Variants in DLGAP2 observed in about 807,000 individuals in gnomAD.
The protein encoded by DLGAP2 is disks large-associated protein 2.
DLGAP2 carries 26 observed loss-of-function variants against 100.3 expected under a neutral mutation model. The ratio of observed to expected loss-of-function variants is 0.26; its 90% CI spans 0.19 to 0.36. The LOEUF is 0.36. Ranked by LOEUF, DLGAP2 falls within the 10% of genes least tolerant of loss-of-function variation. DLGAP2 has a pLI of 1.00. For missense variants in DLGAP2, 1,858 were observed against 1,453.2 expected, an observed-to-expected ratio of 1.28 and a Z score of -4.53; for synonymous variants, 886 against 630.1, an observed-to-expected ratio of 1.41 and a Z score of -6.08.
At chr8:1,000,065 G>C (rs922720875) in intron 2 of DLGAP2, among the ~76,000 whole-genome samples, 3 of 147,386 alleles carry the variant, frequency 2.0e-5, no homozygotes, top group Non-Finnish European at 3.0e-5. Context: ...CTCTAGAGCA[G>C]AGAGATCCGG....
At chr8:1,656,407 A>G (rs1798286476) in intron 8 of DLGAP2, among the ~76,000 whole-genome samples, 2 of 152,040 alleles carry the variant, frequency 1.3e-5, no homozygotes, top group African/African-American at 4.8e-5. Flanking sequence ...ACTGTGGTAA[A>G]CCTAAGAATG....
At chr8:787,243 G>T (rs965115008) in intron 1 of DLGAP2, among the ~76,000 whole-genome samples, 6 of 152,058 alleles carry the variant, frequency 3.9e-5, no homozygotes, top group Non-Finnish European at 7.3e-5. Context: ...GCTCGTGTTC[G>T]AACGTTAGTA....
intron 3 of DLGAP2, among the ~76,000 whole-genome samples, chr8:1,272,760 C>A (rs1382948813): frequency 1.3e-5 from 2 of 152,076 alleles, no homozygotes; most frequent in Non-Finnish European, 2.9e-5. Flanking sequence ...ACGGGTGACT[C>A]TTCCCATCAT....
intron 3 of DLGAP2, among the ~76,000 whole-genome samples, chr8:1,457,010 G>A (rs1285197474): frequency 6.6e-6 from 1 of 152,238 alleles, no homozygotes; most frequent in Non-Finnish European, 1.5e-5. Context: ...AGTTCAGAGG[G>A]CTGCTTGGCT....
chr8:785,928 C>G (rs921969553), intron 1 of DLGAP2, among the ~76,000 whole-genome samples: 4 of 152,260 alleles, frequency 2.6e-5, no homozygotes, highest in South Asian at 2.1e-4. Flanking sequence ...GCTGCAGAGA[C>G]CGAATGAATG....
intron 2 of DLGAP2, among the ~76,000 whole-genome samples, chr8:1,217,310 A>G (rs1798234283): frequency 6.6e-6 from 1 of 152,150 alleles, no homozygotes; most frequent in South Asian, 2.1e-4. Context: ...ATGGCTGCAC[A>G]GTATTCCATC....
intron 2 of DLGAP2, among the ~76,000 whole-genome samples, chr8:1,256,375 C>CG: frequency 7.9e-6 from 1 of 127,324 alleles, no homozygotes; most frequent in Non-Finnish European, 1.5e-5. Context: ...TGTGTGTGTC[C>CG]TCTCATCCTG....
At chr8:1,296,796 G>A (rs1002443509) in intron 3 of DLGAP2, among the ~76,000 whole-genome samples, 2 of 152,184 alleles carry the variant, frequency 1.3e-5, no homozygotes, top group African/African-American at 4.8e-5. Context: ...CAGATGGTGT[G>A]GTGGGTGCAC....
At chr8:964,996 T>A (rs1285992256) in intron 2 of DLGAP2, among the ~76,000 whole-genome samples, 122 of 133,742 alleles carry the variant, frequency 9.1e-4, no homozygotes, top group Middle Eastern at 0.012. Context: ...ACTGTTCACC[T>A]CACATGGCTC....
chr8:1,176,824 A>C (rs958127108), intron 2 of DLGAP2, among the ~76,000 whole-genome samples: 1 of 152,106 alleles, frequency 6.6e-6, no homozygotes, highest in East Asian at 1.9e-4. Context: ...CATTCTCTCA[A>C]CACACCCTCT....
intron 2 of DLGAP2, among the ~76,000 whole-genome samples, chr8:1,217,251 G>A (rs1229907024): frequency 6.6e-6 from 1 of 152,084 alleles, no homozygotes; most frequent in Non-Finnish European, 1.5e-5. Context: ...TAGGATAATG[G>A]CCTCTAGCTG....
chr8:1,474,845 T>C (rs1218012675), intron 3 of DLGAP2, among the ~76,000 whole-genome samples: 1 of 152,142 alleles, frequency 6.6e-6, no homozygotes, highest in African/African-American at 2.4e-5. Flanking sequence ...GAACTGAGAG[T>C]TGAACTACCG....
At chr8:1,463,235 C>T (rs1306352893) in intron 3 of DLGAP2, among the ~76,000 whole-genome samples, 2 of 152,046 alleles carry the variant, frequency 1.3e-5, no homozygotes, top group East Asian at 1.9e-4. Flanking sequence ...GGTGACAGGG[C>T]AAGAATCTGT....
chr8:1,543,676 T>C (rs916494943), intron 4 of DLGAP2, among the ~76,000 whole-genome samples: 2 of 152,342 alleles, frequency 1.3e-5, no homozygotes, highest in Non-Finnish European at 1.5e-5. Flanking sequence ...TGCATTTCTA[T>C]ATGAATTTGA....
At chr8:859,053 C>G (rs1002860264) in intron 1 of DLGAP2, among the ~76,000 whole-genome samples, 1 of 151,708 alleles carries the variant, frequency 6.6e-6, no homozygotes, top group Non-Finnish European at 1.5e-5. Context: ...AAAAATACAT[C>G]GACATTCTTA....
intron 2 of DLGAP2, among the ~76,000 whole-genome samples, chr8:957,049 G>A (rs143390472): frequency 1.1e-3 from 175 of 152,324 alleles, no homozygotes; most frequent in African/African-American, 3.5e-3. Context: ...ATAATTTCAA[G>A]CACCCAAGCT....
At chr8:1,110,304 C>T (rs1255953596) in intron 2 of DLGAP2, among the ~76,000 whole-genome samples, 1 of 117,990 alleles carries the variant, frequency 8.5e-6, no homozygotes, top group Non-Finnish European at 1.7e-5. Flanking sequence ...GGGTCTGTGA[C>T]ATGTGCTGGG....
intron 2 of DLGAP2, among the ~76,000 whole-genome samples, chr8:1,178,548 C>G (rs115311290): frequency 1.1e-4 from 17 of 152,116 alleles, no homozygotes; most frequent in African/African-American, 4.1e-4. Flanking sequence ...TGGGATTTAA[C>G]GAAAGGCACC....
At chr8:1,609,622 T>G in intron 6 of DLGAP2, among the ~76,000 whole-genome samples, 1 of 122,002 alleles carries the variant, frequency 8.2e-6, no homozygotes, top group African/African-American at 2.8e-5. Flanking sequence ...GACCCATCAG[T>G]GTGCTGTATT....
Sources: gnomAD v4.1 joint callset for allele counts (sites outside exome capture counted in the v4.1 genomes callset) on GRCh38, gnomAD v4.1.1 for gene constraint, MANE v1.5 for transcripts, NCBI Gene and HGNC (gene_info 2026-07-23, HGNC 2026-07-21) for gene names.